Variants in MIER2 observed in about 807,000 individuals in gnomAD.
The protein encoded by MIER2 is MIER family member 2.
MIER2 carries 30 observed loss-of-function variants against 67.6 expected under a neutral mutation model. The observed-to-expected ratio is 0.44, with a 90% CI of 0.33 to 0.60. The LOEUF (loss-of-function observed/expected upper bound fraction) is 0.60. Among genes scored for constraint, MIER2 ranks in the 20% least tolerant of loss-of-function variants. MIER2 has a pLI of 0.02. For missense variants in MIER2, 702 were observed against 745.1 expected (o/e 0.94, Z 0.67); for synonymous variants, 372 against 312.6 (o/e 1.19, Z -2.00).
chr19:344,737 G>C (rs1413836449), intron 1 of MIER2, 37 bp downstream of exon 1: 1 of 1,154,140 alleles, frequency 8.7e-7, no homozygotes, highest in Non-Finnish European at 1.1e-6. Context: ...CGGACGCGCG[G>C]GGGCGGGGGG....
Position 308,788 on chromosome 19 carries a change from G to A in MIER2, c.1109+13C>T. On this transcript the variant is annotated intron_variant, in intron 11 of 13. Coordinates refer to ENST00000264819, the MANE Select transcript of MIER2 (RefSeq NM_017550.3). The surrounding 1 kb of genome is among the most constrained non-coding windows in gnomAD (Gnocchi z 9.1). The stretch of plus-strand genomic sequence containing the variant: ...GGCCGCCTGTCGTTACTGCTGGGGA[G>A]GGCTGCACGCACGTGGTTCCGGACG... 1.9e-6 allele frequency: 3 copies of A among 1,597,966 alleles called. No homozygotes were observed. Among genetic ancestry groups the A allele is most frequent in the African/African-American group, 2.7e-5 (2 of 74,724 alleles).
chr19:308,710 C>G lies in MIER2; in HGVS notation c.1110-45G>C, dbSNP rs1262329983. 2 of 1,595,394 alleles carry G rather than the reference C, an allele frequency of 1.3e-6. No homozygotes were observed. The highest frequency in any genetic ancestry group is 1.1e-5 in the South Asian group (1 of 89,806). Reference sequence around the variant, plus strand: ...TGAGGGGCGGCAGACAGGACAGACGCCCCCACCCAAGAGGTGCCGCCCAGG... The same window carrying G: ...TGAGGGGCGGCAGACAGGACAGACGGCCCCACCCAAGAGGTGCCGCCCAGG... On this transcript the variant is annotated intron_variant, in intron 11 of 13. Coordinates refer to ENST00000264819, the MANE Select transcript of MIER2 (RefSeq NM_017550.3). This position sits in a 1 kb window ranked among gnomAD's most constrained non-coding sequence, Gnocchi z 9.1.
intron 12 of MIER2, 126 bp from the exon 13 acceptor site, chr19:307,662 A>C: frequency 9.8e-7 from 1 of 1,020,434 alleles, no homozygotes; most frequent in Non-Finnish European, 1.3e-6. Context: ...CTCCACACAA[A>C]TACAAAAGAC....
chr19:312,054 G>A (rs1221241661), intron 9 of MIER2, 115 bp from the exon 10 acceptor site: 1 of 1,263,714 alleles, frequency 7.9e-7, no homozygotes, highest in Non-Finnish European at 1.1e-6. Flanking sequence ...CGCAGCGGAA[G>A]GAAGGCCCAG....
intron 1 of MIER2, chr19:340,593 G>A (rs1344048498): frequency 2.0e-5 from 3 of 153,178 alleles, no homozygotes; most frequent in Non-Finnish European, 4.4e-5. Context: ...GGAGGAAGAG[G>A]AGGGGTTGGT....
chr19:309,444 C>A (rs187098266), intron 10 of MIER2, among the ~76,000 whole-genome samples: 1 of 152,226 alleles, frequency 6.6e-6, no homozygotes, highest in East Asian at 1.9e-4. Context: ...CAGGGCCCAG[C>A]GAATGCTTCC....
chr19:344,285 G>A, intron 1 of MIER2: 1 of 985,124 alleles, frequency 1.0e-6, no homozygotes. Context: ...GGGCTCGCGG[G>A]CGGCGGAGGC....
At chr19:344,675 G>C (rs1167774795) in intron 1 of MIER2, 99 bp downstream of exon 1, 2 of 803,834 alleles carry the variant, frequency 2.5e-6, no homozygotes, top group Non-Finnish European at 3.1e-6. Context: ...CCAGAGCGGG[G>C]CTCTCCGTCC....
intron 1 of MIER2, chr19:343,905 G>C (rs1568242186): frequency 1.0e-6 from 1 of 985,402 alleles, no homozygotes; most frequent in East Asian, 1.1e-4. Flanking sequence ...CTTCAAAAGC[G>C]AAAGTTTCTT....
At position 312,256 on chromosome 19, in the gene MIER2, A is replaced by G; in HGVS notation, c.824T>C (p.Val275Ala). Residue 275 changes from valine to alanine, a missense_variant, in exon 9 of 14, where the codon GTG becomes GCG. Coordinates refer to ENST00000264819, the MANE Select transcript of MIER2 (RefSeq NM_017550.3). ...KDSEQALYELVKCNFNVEEAL... is the reference protein window; with the variant it reads ...KDSEQALYELAKCNFNVEEAL... ...CTCCTCCACATTGAAGTTGCATTTC[A>G]CCAACTCGTACAGCGCCTGGGGAGA... 6.2e-7 allele frequency: 1 copy of G among 1,613,886 alleles called. No homozygotes were observed. The highest frequency in any genetic ancestry group is 1.3e-5 in the African/African-American group (1 of 75,024).
chr19:315,210 C>G (rs977505495), intron 7 of MIER2, among the ~76,000 whole-genome samples: 1 of 152,060 alleles, frequency 6.6e-6, no homozygotes, highest in East Asian at 1.9e-4. Context: ...ACTAAAAATA[C>G]AAAAATTAGC....
chr19:306,807 C>A, intron 13 of MIER2, 96 bp from the exon 14 acceptor site: 2 of 1,534,066 alleles, frequency 1.3e-6, no homozygotes, highest in East Asian at 4.9e-5. Flanking sequence ...AGACTCCCAG[C>A]CTTGCCTCCC....
At chr19:317,730 CA>C (rs10710807) in intron 7 of MIER2, among the ~76,000 whole-genome samples, 26,045 of 84,048 alleles carry the variant, frequency 0.31, 2,072 homozygotes, top group East Asian at 0.5. Flanking sequence ...GACTCTGTCT[CA>C]AAAAAAAAAA....
rs763842977 is a variant in MIER2, at chr19:312,158, C to T, written c.889+33G>A. ...CGGTCAGCAGTGCCCAGGGCGGGGC[C>T]GCAGCGGAAGGAAGGCCCAGACCGC... On this transcript the variant is annotated intron_variant, in intron 9 of 13. Coordinates refer to ENST00000264819, the MANE Select transcript of MIER2 (RefSeq NM_017550.3). The T allele has an allele frequency of 1.6e-5, 25 of 1,542,348 alleles. 1 individual carries two copies. Among genetic ancestry groups the T allele is most frequent in the Admixed American group, 3.7e-5 (2 of 54,608 alleles).
chr19:336,096 C>A lies in MIER2; in HGVS notation c.87G>T (p.Leu29Phe). 3.1e-6 allele frequency: 5 copies of A among 1,613,764 alleles called. No homozygotes were observed. In the South Asian group the frequency reaches 5.5e-5, roughly 18 times the overall value. ...EHSLCPGEPG[L>F]QTTAVVSMGS... ...GGAGGAAGGTACCTGCTGTTGTCTG[C>A]AAGCCCGGCTCCCCTGGGCACAGGC... The change falls in exon 2 of 14, where the codon TTG becomes TTT. Residue 29 changes from leucine to phenylalanine, a missense_variant. By Grantham distance (22) the Leu-to-Phe change is conservative. Transcript: ENST00000264819.
chr19:340,260 G>A (rs901366076), intron 1 of MIER2, among the ~76,000 whole-genome samples: 11 of 152,150 alleles, frequency 7.2e-5, no homozygotes, highest in African/African-American at 2.4e-4. Context: ...GGAACACAAC[G>A]GCTAGTACAG....
chr19:343,823 A>G (rs1347536948), intron 1 of MIER2: 1 of 984,454 alleles, frequency 1.0e-6, no homozygotes, highest in Admixed American at 6.2e-5. Flanking sequence ...ATCTCTTTCC[A>G]TCTTCACCAG....
intron 3 of MIER2, among the ~76,000 whole-genome samples, chr19:329,626 T>C (rs894384604): frequency 1.2e-4 from 18 of 152,238 alleles, no homozygotes; most frequent in African/African-American, 4.1e-4. Context: ...GGATGGCTCA[T>C]GCCTGTAATC....
intron 1 of MIER2, among the ~76,000 whole-genome samples, chr19:338,944 C>T (rs2121143): frequency 0.19 from 29,077 of 152,008 alleles, 4,263 homozygotes; most frequent in African/African-American, 0.4. Flanking sequence ...GCCAAAACCA[C>T]ACAACTTTTC....
Sources: allele counts gnomAD v4.1 joint callset (sites outside exome capture counted in the v4.1 genomes callset), GRCh38; gene constraint gnomAD v4.1.1; non-coding constraint Gnocchi (gnomAD v3.1); transcripts MANE v1.5; gene names NCBI Gene and HGNC (gene_info 2026-07-23, HGNC 2026-07-21).